The following OPCML variants were observed in gnomAD, a reference collection of about 807,000 sequenced individuals.
OPCML encodes the protein opioid-binding protein/cell adhesion molecule.
A neutral mutation model predicts 37.8 loss-of-function variants in OPCML; 13 were observed. The ratio of observed to expected loss-of-function variants is 0.34; its 90% CI spans 0.22 to 0.55. The LOEUF (loss-of-function observed/expected upper bound fraction) is 0.55. Among genes scored for constraint, OPCML ranks in the 20% least tolerant of loss-of-function variants. The pLI is 0.91. For missense variants in OPCML, 341 were observed against 435.6 expected, an observed-to-expected ratio of 0.78 and a Z score of 1.93; for synonymous variants, 176 against 168.8, an observed-to-expected ratio of 1.04 and a Z score of -0.33.
chr11:133,071,351 T>C (rs917153178), intron 1 of OPCML, among the ~76,000 whole-genome samples: 14 of 152,186 alleles, frequency 9.2e-5, no homozygotes, highest in African/African-American at 2.9e-4. Flanking sequence ...GTGGGGGTGA[T>C]TGTGTAAAAC....
At chr11:133,419,272 T>C (rs1373942127) in intron 1 of OPCML, 2 of 985,386 alleles carry the variant, frequency 2.0e-6, no homozygotes, top group Non-Finnish European at 2.4e-6. Flanking sequence ...GTTTTGAACA[T>C]GTGGAATTTG....
chr11:133,046,814 T>C (rs904848846), intron 1 of OPCML, among the ~76,000 whole-genome samples: 2 of 152,206 alleles, frequency 1.3e-5, no homozygotes, highest in Admixed American at 6.5e-5. Context: ...CTCTTGGAGA[T>C]GTAAATATTC....
intron 1 of OPCML, among the ~76,000 whole-genome samples, chr11:133,413,514 C>CA (rs1208410184): frequency 1.3e-5 from 2 of 150,640 alleles, no homozygotes; most frequent in Admixed American, 6.9e-5. Context: ...TATATAAAAA[C>CA]AAACAAAAAA....
intron 1 of OPCML, among the ~76,000 whole-genome samples, chr11:133,444,754 C>T (rs967060741): frequency 6.6e-6 from 1 of 151,968 alleles, no homozygotes; most frequent in African/African-American, 2.4e-5. Flanking sequence ...AAAACCATGT[C>T]ATTTTCCTTT....
intron 1 of OPCML, among the ~76,000 whole-genome samples, chr11:133,046,885 C>T (rs555552493): frequency 7.2e-5 from 11 of 152,246 alleles, no homozygotes; most frequent in African/African-American, 2.6e-4. Context: ...ACCCCTGCTG[C>T]CTTAGGCATT....
intron 1 of OPCML, among the ~76,000 whole-genome samples, chr11:133,150,644 C>T: frequency 6.6e-6 from 1 of 152,156 alleles, no homozygotes; most frequent in East Asian, 1.9e-4. Flanking sequence ...TATAAGACCC[C>T]ACTCCACCCC....
chr11:132,719,181 A>G (rs1041509679), intron 2 of OPCML, among the ~76,000 whole-genome samples: 8 of 152,224 alleles, frequency 5.3e-5, no homozygotes, highest in Non-Finnish European at 8.8e-5. Context: ...TTCTTCTGTC[A>G]TGCAGACACT....
At chr11:133,408,238 G>A (rs1945565024) in intron 1 of OPCML, among the ~76,000 whole-genome samples, 1 of 152,126 alleles carries the variant, frequency 6.6e-6, no homozygotes, top group African/African-American at 2.4e-5. Context: ...ATACATTTAA[G>A]AAAGATTAAT....
chr11:132,651,713 A>T (rs559945361), intron 3 of OPCML, among the ~76,000 whole-genome samples: 1 of 152,260 alleles, frequency 6.6e-6, no homozygotes, highest in Admixed American at 6.5e-5. Flanking sequence ...TTACAAGCAA[A>T]ACTCAACTTC....
chr11:132,651,134 C>T (rs1169410164), intron 3 of OPCML, among the ~76,000 whole-genome samples: 2 of 152,188 alleles, frequency 1.3e-5, no homozygotes, highest in Non-Finnish European at 1.5e-5. Context: ...TTTTCTGGAG[C>T]ACCTCTGAAG....
intron 1 of OPCML, among the ~76,000 whole-genome samples, chr11:133,309,805 T>C (rs761657369): frequency 1.2e-4 from 19 of 152,154 alleles, no homozygotes; most frequent in Non-Finnish European, 2.5e-4. Context: ...GCAGAATCCA[T>C]AAGACCAGTG....
intron 1 of OPCML, among the ~76,000 whole-genome samples, chr11:133,196,622 T>C (rs142067610): frequency 1.3e-5 from 2 of 152,278 alleles, no homozygotes; most frequent in African/African-American, 4.8e-5. Flanking sequence ...AGTCAAATAT[T>C]ATTTCTTCTT....
chr11:132,601,197 T>C (rs1937865573), intron 3 of OPCML, among the ~76,000 whole-genome samples: 2 of 152,210 alleles, frequency 1.3e-5, no homozygotes, highest in Admixed American at 6.5e-5. Flanking sequence ...GGCACAGCTG[T>C]GAAATGGTTT....
chr11:132,425,334 T>C (rs1258046135), intron 7 of OPCML, among the ~76,000 whole-genome samples: 1 of 152,212 alleles, frequency 6.6e-6, no homozygotes, highest in African/African-American at 2.4e-5. Flanking sequence ...CCTAAATCCC[T>C]TTCATCTCAG....
At chr11:133,036,306 G>T (rs1211091174) in intron 1 of OPCML, among the ~76,000 whole-genome samples, 1 of 152,146 alleles carries the variant, frequency 6.6e-6, no homozygotes, top group African/African-American at 2.4e-5. Context: ...AATAAATATG[G>T]AATAAATTCT....
intron 3 of OPCML, among the ~76,000 whole-genome samples, chr11:132,596,045 C>T (rs1356194286): frequency 6.6e-6 from 1 of 152,166 alleles, no homozygotes; most frequent in African/African-American, 2.4e-5. Context: ...TGTCCAGACT[C>T]CACCACTTGG....
intron 1 of OPCML, among the ~76,000 whole-genome samples, chr11:133,084,490 G>A (rs1948789657): frequency 6.6e-6 from 1 of 152,172 alleles, no homozygotes; most frequent in Non-Finnish European, 1.5e-5. Flanking sequence ...AAATATTGAC[G>A]CAGGCATCTC....
At chr11:133,435,211 T>A (rs1338457003) in intron 1 of OPCML, among the ~76,000 whole-genome samples, 9 of 152,160 alleles carry the variant, frequency 5.9e-5, no homozygotes, top group Non-Finnish European at 8.8e-5. Flanking sequence ...GTAAGATTCA[T>A]GAATATGGGG....
rs568805080 is a variant in OPCML at position 133,327,622 on chromosome 11, AC to A, written c.61+204641del. 3.6e-3 allele frequency among the ~76,000 whole-genome samples: 546 copies of A among 152,190 alleles called. 5 individuals carry two copies. The highest frequency in any genetic ancestry group is 0.012 in the African/African-American group (518 of 41,504). Reference sequence around the variant, plus strand: ...CCTTCTTCTCTCAATCAGGTTATCTACCTAACTTCTGTTTAAGGACCAACAT... The same window carrying A: ...CCTTCTTCTCTCAATCAGGTTATCTACTAACTTCTGTTTAAGGACCAACAT... On this transcript the variant is annotated intron_variant, in intron 1 of 7. Transcript: ENST00000524381.
Sources: allele counts gnomAD v4.1 joint callset (sites outside exome capture counted in the v4.1 genomes callset), GRCh38; gene constraint gnomAD v4.1.1; transcripts MANE v1.5; gene names NCBI Gene and HGNC (gene_info 2026-07-23, HGNC 2026-07-21).